The following TMEM232 variants were observed in gnomAD, a reference collection of about 807,000 sequenced individuals.
The protein encoded by TMEM232 is transmembrane protein 232.
TMEM232 carries 80 observed loss-of-function variants against 78.8 expected under a neutral mutation model. The ratio of observed to expected loss-of-function variants is 1.01; its 90% CI spans 0.85 to 1.22. The LOEUF is 1.22. Ranked by LOEUF, TMEM232 falls within the 50% of genes most tolerant of loss-of-function variation. The pLI, the probability that TMEM232 is intolerant of heterozygous loss-of-function variation, is 0.00. For synonymous variants in TMEM232, 297 were observed against 254.3 expected, an observed-to-expected ratio of 1.17 and a Z score of -1.60; for missense variants, 881 against 742.2, an observed-to-expected ratio of 1.19 and a Z score of -2.17.
chr5:110,692,231 T>C (rs1344249272), intron 1 of TMEM232, among the ~76,000 whole-genome samples: 1 of 152,188 alleles, frequency 6.6e-6, no homozygotes, highest in Non-Finnish European at 1.5e-5. Context: ...CATTCTCAGT[T>C]TGCACTGACT....
intron 8 of TMEM232, among the ~76,000 whole-genome samples, chr5:110,616,786 T>C (rs1048880871): frequency 6.6e-6 from 1 of 152,084 alleles, no homozygotes; most frequent in African/African-American, 2.4e-5. Flanking sequence ...ATGGCTATTA[T>C]CAAAAAGATG....
intron 1 of TMEM232, among the ~76,000 whole-genome samples, chr5:110,710,237 A>G (rs950252271): frequency 3.9e-5 from 6 of 152,122 alleles, no homozygotes; most frequent in African/African-American, 1.2e-4. Context: ...GAACAGACCA[A>G]TAACAAGCAA....
intron 10 of TMEM232, among the ~76,000 whole-genome samples, chr5:110,574,384 T>G (rs2149704200): frequency 6.6e-6 from 1 of 152,212 alleles, no homozygotes; most frequent in South Asian, 2.1e-4. Flanking sequence ...CACTAAAGAA[T>G]TAACCATGCT....
intron 1 of TMEM232, among the ~76,000 whole-genome samples, chr5:110,688,600 A>C (rs1307574373): frequency 6.6e-6 from 1 of 152,166 alleles, no homozygotes; most frequent in African/African-American, 2.4e-5. Context: ...GGCCCATAAG[A>C]GGTATGACAA....
chr5:110,638,474 T>C (rs956862727), intron 4 of TMEM232, 119 bp from the exon 5 acceptor site: 1 of 990,092 alleles, frequency 1.0e-6, no homozygotes, highest in Non-Finnish European at 1.5e-6. Flanking sequence ...TTTTAAAATA[T>C]ATTTACAAAT....
At chr5:110,646,806 C>T (rs1324170821) in intron 2 of TMEM232, among the ~76,000 whole-genome samples, 1 of 151,510 alleles carries the variant, frequency 6.6e-6, no homozygotes, top group African/African-American at 2.4e-5. Flanking sequence ...TGCTAATATC[C>T]AAAATATTTA....
At chr5:110,718,632 T>G (rs916588185) in intron 1 of TMEM232, among the ~76,000 whole-genome samples, 6 of 151,400 alleles carry the variant, frequency 4.0e-5, no homozygotes, top group Non-Finnish European at 7.4e-5. Flanking sequence ...TGAAGATTAA[T>G]TTTTTTTTAG....
At chr5:110,736,497 TA>T (rs1206374702) in intron 1 of TMEM232, among the ~76,000 whole-genome samples, 2 of 152,206 alleles carry the variant, frequency 1.3e-5, no homozygotes, top group Non-Finnish European at 2.9e-5. Flanking sequence ...GTAGAATTTT[TA>T]AAAGGTAAGT....
chr5:110,694,194 C>T (rs952353479), intron 1 of TMEM232, among the ~76,000 whole-genome samples: 18 of 152,114 alleles, frequency 1.2e-4, no homozygotes, highest in Non-Finnish European at 2.4e-4. Context: ...ATTTCCTATC[C>T]AGCCAAACTA....
intron 2 of TMEM232, 82 bp downstream of exon 2, chr5:110,667,146 G>T: frequency 1.8e-6 from 2 of 1,132,196 alleles, no homozygotes; most frequent in Non-Finnish European, 1.2e-6. Flanking sequence ...AGAGAACTAT[G>T]GGTGAATTTT....
At position 110,623,818 on chromosome 5, in the gene TMEM232, A is replaced by T. The variant is rs144309157; in HGVS notation, c.768+1449T>A. On this transcript the variant is annotated intron_variant, in intron 7 of 13. Transcript: ENST00000455884. Reference sequence around the variant, plus strand: ...AACTCTGTTATAATCCCCTTACAGGATCACATAGATAAAGCTGAAATAGAA... The same window carrying T: ...AACTCTGTTATAATCCCCTTACAGGTTCACATAGATAAAGCTGAAATAGAA... 7.3e-3 allele frequency among the ~76,000 whole-genome samples: 1,107 copies of T among 152,308 alleles called. 13 individuals are homozygous for T. Among genetic ancestry groups the T allele is most frequent in the African/African-American group, 0.025 (1,028 of 41,574 alleles).
intron 12 of TMEM232, among the ~76,000 whole-genome samples, chr5:110,511,424 C>T (rs1354973268): frequency 6.7e-6 from 1 of 150,336 alleles, no homozygotes; most frequent in Non-Finnish European, 1.5e-5. Context: ...TGCATGTACC[C>T]CAGAACTTAA....
Position 110,512,997 on chromosome 5 carries a change from T to C in TMEM232, c.1703+15591A>G, listed in dbSNP as rs369729895. Among the ~76,000 whole-genome samples, 13 of 152,306 alleles carry C rather than the reference T, an allele frequency of 8.5e-5. No individual in the cohort carries two copies. The South Asian group carries it at 2.5e-3, about 29-fold the overall frequency. The stretch of plus-strand genomic sequence containing the variant: ...GTATTAAAGAAAGACACTCGTCATA[T>C]AAGCATAAAGCTATGGCAGTGAAAG... On this transcript the variant is annotated intron_variant, in intron 12 of 13. Transcript: ENST00000455884.
chr5:110,470,291 G>A (rs367937599), intron 12 of TMEM232, among the ~76,000 whole-genome samples: 28 of 152,224 alleles, frequency 1.8e-4, no homozygotes, highest in Admixed American at 3.9e-4. Context: ...GGGCACAAGC[G>A]CTAGAAGATG....
At chr5:110,535,108 A>G (rs1311613569) in intron 11 of TMEM232, among the ~76,000 whole-genome samples, 2 of 152,150 alleles carry the variant, frequency 1.3e-5, no homozygotes, top group Non-Finnish European at 1.5e-5. Flanking sequence ...TTAATATAAG[A>G]AGATAGGAAT....
intron 12 of TMEM232, among the ~76,000 whole-genome samples, chr5:110,450,568 T>C (rs1356177857): frequency 1.3e-5 from 2 of 152,074 alleles, no homozygotes; most frequent in Admixed American, 1.3e-4. Context: ...CGAATGCAGG[T>C]AAACTGTGGA....
At chr5:110,717,716 T>C (rs1797161728) in intron 1 of TMEM232, among the ~76,000 whole-genome samples, 1 of 152,134 alleles carries the variant, frequency 6.6e-6, no homozygotes, top group African/African-American at 2.4e-5. Context: ...CATGCTGTTC[T>C]CATGATAATG....
intron 12 of TMEM232, among the ~76,000 whole-genome samples, chr5:110,496,088 A>C (rs1765609027): frequency 6.6e-6 from 1 of 151,850 alleles, no homozygotes; most frequent in African/African-American, 2.4e-5. Flanking sequence ...TTATAATAAA[A>C]ATTTTCACTC....
intron 8 of TMEM232, chr5:110,610,605 C>T (rs778689319): frequency 1.4e-4 from 65 of 449,178 alleles, no homozygotes; most frequent in Non-Finnish European, 7.6e-5. Flanking sequence ...AGGCTCCTAA[C>T]ATGGACAAGA....
Sources: gnomAD v4.1 joint callset for allele counts (sites outside exome capture counted in the v4.1 genomes callset) on GRCh38, gnomAD v4.1.1 for gene constraint, MANE v1.5 for transcripts, NCBI Gene and HGNC (gene_info 2026-07-23, HGNC 2026-07-21) for gene names.